Variants in PCDHGA9 observed in about 807,000 individuals in gnomAD.
The protein encoded by PCDHGA9 is protocadherin gamma-A9.
PCDHGA9 carries 37 observed loss-of-function variants against 62.5 expected under a neutral mutation model. That is an observed-to-expected ratio of 0.59 (90% CI 0.46 to 0.78). The LOEUF is 0.78. Among genes scored for constraint, PCDHGA9 ranks in the 30% least tolerant of loss-of-function variants. The pLI is 0.00. For synonymous variants in PCDHGA9, 459 were observed against 484.6 expected (o/e 0.95, Z 0.69); for missense variants, 1,138 against 1,166.2 (o/e 0.98, Z 0.35).
intron 1 of PCDHGA9, chr5:141,440,169 C>A (rs891186588): frequency 1.3e-5 from 2 of 152,218 alleles, no homozygotes; most frequent in Non-Finnish European, 2.9e-5. Flanking sequence ...TGGGCCATAA[C>A]GCTTTGAAAT....
Position 141,431,423 on chromosome 5 carries a change from C to A in PCDHGA9, c.2424+26047C>A, listed in dbSNP as rs868299769. 20 of 1,613,552 alleles carry A rather than the reference C, an allele frequency of 1.2e-5. No individual in the cohort carries two copies. In the Admixed American group the frequency reaches 2.2e-4, roughly 17 times the overall value. ...GGCCTCCGACGGGGGCGACCCGGTG[C>A]GCACAGGCACCGCGCGCATCCGCGT... On this transcript the variant is annotated intron_variant, in intron 1 of 3. Coordinates refer to ENST00000573521, the MANE Select transcript of PCDHGA9 (RefSeq NM_018921.3). The surrounding 1 kb of genome is among the most constrained non-coding windows in gnomAD (Gnocchi z 4.8).
chr5:141,426,630 T>C, intron 1 of PCDHGA9: 1 of 398,080 alleles, frequency 2.5e-6, no homozygotes, highest in South Asian at 1.8e-5. Context: ...TCTAAATGTT[T>C]TTCACATAAA....
At chr5:141,455,160 G>GT (rs59530096) in intron 1 of PCDHGA9, among the ~76,000 whole-genome samples, 26,536 of 149,098 alleles carry the variant, frequency 0.18, 2,386 homozygotes, top group South Asian at 0.23. Flanking sequence ...TAGTTTGTTG[G>GT]TTTTTTTTTT....
intron 1 of PCDHGA9, chr5:141,426,745 A>G (rs866203428): frequency 6.2e-5 from 28 of 454,130 alleles, no homozygotes; most frequent in Middle Eastern, 6.5e-4. Context: ...TTTGGCCTGG[A>G]ATCTGCTATA....
In PCDHGA9 at chr5:141,403,579, C is replaced by T; in HGVS notation, c.627C>T (p.His209=). 1.2e-6 allele frequency: 2 copies of T among 1,613,926 alleles called. No homozygotes were observed. Among genetic ancestry groups the T allele is most frequent in the South Asian group, 1.1e-5 (1 of 91,084 alleles). ...ALDREEATAH[H]LVLTASDGGE... ...ACAGGGAGGAGGCAACTGCCCACCACCTGGTCCTCACGGCCTCGGATGGCG... is the reference window on the plus strand; with the variant it reads ...ACAGGGAGGAGGCAACTGCCCACCATCTGGTCCTCACGGCCTCGGATGGCG... The change falls in exon 1 of 4, where the codon CAC becomes CAT. Residue 209 remains histidine (H), a synonymous_variant. Coordinates refer to ENST00000573521, the MANE Select transcript of PCDHGA9 (RefSeq NM_018921.3).
At chr5:141,414,342 C>A in intron 1 of PCDHGA9, 2 of 1,613,810 alleles carry the variant, frequency 1.2e-6, no homozygotes, top group East Asian at 2.2e-5. Flanking sequence ...TAACCTGTTC[C>A]ATTTTGGCGT....
At chr5:141,435,644 T>A (rs913195454) in intron 1 of PCDHGA9, among the ~76,000 whole-genome samples, 1 of 152,170 alleles carries the variant, frequency 6.6e-6, no homozygotes, top group Non-Finnish European at 1.5e-5. Flanking sequence ...TGGGAAAATT[T>A]CTGAAACGTG....
At position 141,511,262 on chromosome 5, in the gene PCDHGA9, G is replaced by A; in HGVS notation, c.*89G>A. 1 of 1,556,036 alleles carries A rather than the reference G, an allele frequency of 6.4e-7. No individual in the cohort carries two copies. The highest frequency in any genetic ancestry group is 8.7e-7 in the Non-Finnish European group (1 of 1,150,444). On this transcript the variant is annotated 3_prime_UTR_variant, in exon 4 of 4. Transcript: ENST00000573521. ...TGCACCCAGGCCTCAGAGTTTCAGG[G>A]CTAACCCCCAGAATACTGGTAGGGG...
chr5:141,414,767 AGCTACAGAT>A, intron 1 of PCDHGA9: 2 of 1,614,190 alleles, frequency 1.2e-6, no homozygotes, highest in Middle Eastern at 1.6e-4. Flanking sequence ...CAGTTTCATG[AGCTACAGAT>A]GCAGGTGACA....
At chr5:141,409,919 G>A in intron 1 of PCDHGA9, 1 of 1,613,346 alleles carries the variant, frequency 6.2e-7, no homozygotes, top group Non-Finnish European at 8.5e-7. Flanking sequence ...TGACGGCTCC[G>A]CGTTCTTCGA....
chr5:141,432,073 C>T lies in PCDHGA9; in HGVS notation c.2424+26697C>T, dbSNP rs1276949951. On this transcript the variant is annotated intron_variant, in intron 1 of 3. Transcript: ENST00000573521. This position sits in a 1 kb window ranked among gnomAD's most constrained non-coding sequence, Gnocchi z 6.0. ...CGCCCCTATCCACGGAAACTCATAT[C>T]TCGCTGAACGTGGCAGACACCAACG... is the stretch of plus-strand genomic sequence containing the variant. 3.1e-6 allele frequency: 5 copies of T among 1,614,208 alleles called. No homozygotes were observed. Among genetic ancestry groups the T allele is most frequent in the Non-Finnish European group, 4.2e-6 (5 of 1,180,040 alleles).
intron 1 of PCDHGA9, among the ~76,000 whole-genome samples, chr5:141,439,024 T>C (rs1278127532): frequency 2.0e-5 from 3 of 151,510 alleles, no homozygotes; most frequent in African/African-American, 7.3e-5. Flanking sequence ...ATTTTGAAAA[T>C]AGATGCCTCA....
rs537087639 is a variant in PCDHGA9 at position 141,510,502 on chromosome 5, G to A, written c.2573-445G>A. 3.3e-5 allele frequency among the ~76,000 whole-genome samples: 5 copies of A among 152,296 alleles called. No homozygotes were observed. The South Asian group carries it at 6.2e-4, about 19-fold the overall frequency. ...CTTGAGAAAGCCAGGGCAAGGAACTGAGAGCCCGTGTCACAGCCCTGAGAG... is the reference window on the plus strand; with the variant it reads ...CTTGAGAAAGCCAGGGCAAGGAACTAAGAGCCCGTGTCACAGCCCTGAGAG... On this transcript the variant is annotated intron_variant, in intron 3 of 3. Coordinates refer to ENST00000573521, the MANE Select transcript of PCDHGA9 (RefSeq NM_018921.3).
In PCDHGA9 at chr5:141,493,026, C is replaced by T. The variant is rs73280358; in HGVS notation, c.2425-1781C>T. 6.6e-6 allele frequency among the ~76,000 whole-genome samples: 1 copy of T among 152,190 alleles called. No individual in the cohort carries two copies. The highest frequency in any genetic ancestry group is 1.5e-5 in the Non-Finnish European group (1 of 68,034). Reference sequence around the variant, plus strand: ...TAGGCTCTGCCAGATGCCAGGGTGCCCTTATGTGTGAGGAAACTACAATAG... The same window carrying T: ...TAGGCTCTGCCAGATGCCAGGGTGCTCTTATGTGTGAGGAAACTACAATAG... On this transcript the variant is annotated intron_variant, in intron 1 of 3. Coordinates refer to ENST00000573521, the MANE Select transcript of PCDHGA9 (RefSeq NM_018921.3). This position sits in a 1 kb window ranked among gnomAD's most constrained non-coding sequence, Gnocchi z 4.3.
At chr5:141,410,523 A>G (rs2095403267) in intron 1 of PCDHGA9, 3 of 1,613,800 alleles carry the variant, frequency 1.9e-6, no homozygotes, top group South Asian at 2.2e-5. Flanking sequence ...GTGCCCCTAC[A>G]TTCCAATGAA....
Position 141,477,598 on chromosome 5 carries a change from C to A in PCDHGA9, c.2425-17209C>A. The A allele has an allele frequency of 6.2e-7, 1 of 1,614,180 alleles. No homozygotes were observed. The highest frequency in any genetic ancestry group is 8.5e-7 in the Non-Finnish European group (1 of 1,180,030). ...CCCCGCAGAATGCTCGGCTTTCTTT[C>A]TTTCTCTTGGAGCAAGGAGCTGAAA... On this transcript the variant is annotated intron_variant, in intron 1 of 3. Transcript: ENST00000573521. This position sits in a 1 kb window ranked among gnomAD's most constrained non-coding sequence, Gnocchi z 4.9.
In PCDHGA9 at chr5:141,405,129, G is replaced by C; in HGVS notation, c.2177G>C (p.Arg726Pro). 1 of 1,613,964 alleles carries C rather than the reference G, an allele frequency of 6.2e-7. No homozygotes were observed. Residue 726 changes from arginine (R) to proline (P), a missense_variant, in exon 1 of 4, where the codon CGG becomes CCG. Physicochemically the swap from Arg to Pro is moderately radical, Grantham distance 103 (BLOSUM62 -2). Coordinates refer to ENST00000573521, the MANE Select transcript of PCDHGA9 (RefSeq NM_018921.3). The part of the protein sequence containing the change: ...LRHWHSSHLL[R>P]ATSDGLAGVP... ...CACTGGCACTCCTCGCATCTGCTGCGGGCTACCAGTGATGGGTTGGCTGGT... is the reference window on the plus strand; with the variant it reads ...CACTGGCACTCCTCGCATCTGCTGCCGGCTACCAGTGATGGGTTGGCTGGT...
In PCDHGA9 at chr5:141,487,365, G is replaced by A. The variant is rs1466536791; in HGVS notation, c.2425-7442G>A. On this transcript the variant is annotated intron_variant, in intron 1 of 3. Coordinates refer to ENST00000573521, the MANE Select transcript of PCDHGA9 (RefSeq NM_018921.3). This position sits in a 1 kb window ranked among gnomAD's most constrained non-coding sequence, Gnocchi z 5.0. ...GTCACATGCTTTCCTGCTGGCACCT[G>A]TGCCTGTCTCACCAGATCTCGAAGG... The A allele has an allele frequency of 1.2e-6, 2 of 1,614,068 alleles. No homozygotes were observed. Among genetic ancestry groups the A allele is most frequent in the South Asian group, 1.1e-5 (1 of 91,088 alleles).
chr5:141,477,274 G>A lies in PCDHGA9; in HGVS notation c.2425-17533G>A. The A allele has an allele frequency of 2.5e-6, 4 of 1,614,034 alleles. No homozygotes were observed. Among genetic ancestry groups the A allele is most frequent in the East Asian group, 2.2e-5 (1 of 44,880 alleles). ...ACCTGGATGCTGGCGAGAACGGGCT[G>A]GTGACCTGCGAAGTTCCACCGGGTC... On this transcript the variant is annotated intron_variant, in intron 1 of 3. Coordinates refer to ENST00000573521, the MANE Select transcript of PCDHGA9 (RefSeq NM_018921.3). This position sits in a 1 kb window ranked among gnomAD's most constrained non-coding sequence, Gnocchi z 4.9.
Sources: allele counts gnomAD v4.1 joint callset (sites outside exome capture counted in the v4.1 genomes callset), GRCh38; gene constraint gnomAD v4.1.1; non-coding constraint Gnocchi (gnomAD v3.1); transcripts MANE v1.5; gene names NCBI Gene and HGNC (gene_info 2026-07-23, HGNC 2026-07-21).